STIMATE: variants seen among roughly 807,000 people sequenced by gnomAD.
The protein encoded by STIMATE is STIM activating enhancer, also known as store-operated calcium entry regulator STIMATE.
Under a neutral mutation model 36.7 loss-of-function variants are expected in STIMATE, and 15 were observed. That is an observed-to-expected ratio of 0.41 (90% CI 0.27 to 0.63). The LOEUF (loss-of-function observed/expected upper bound fraction) is 0.63. Ranked by LOEUF, STIMATE falls within the 20% of genes least tolerant of loss-of-function variation. The probability of loss-of-function intolerance (pLI) is 0.32; values close to 1 mark genes in which losing one functional copy is unlikely to be tolerated. For synonymous variants in STIMATE, 163 were observed against 162.3 expected (o/e 1.00, Z -0.03); for missense variants, 305 against 397.3 (o/e 0.77, Z 1.98).
intron 1 of STIMATE, among the ~76,000 whole-genome samples, chr3:52,864,810 C>T (rs925167611): frequency 3.3e-5 from 5 of 152,222 alleles, no homozygotes; most frequent in African/African-American, 1.2e-4. Context: ...CCACCAGTCT[C>T]TTTGCTAAAA....
chr3:52,857,167 C>T (rs1001706506), intron 1 of STIMATE, among the ~76,000 whole-genome samples: 1 of 152,222 alleles, frequency 6.6e-6, no homozygotes, highest in Admixed American at 6.5e-5. Context: ...CTGCATTTGC[C>T]AGGCAAGGAC....
At chr3:52,873,829 A>G (rs765440049) in intron 1 of STIMATE, among the ~76,000 whole-genome samples, 3 of 152,220 alleles carry the variant, frequency 2.0e-5, no homozygotes, top group Non-Finnish European at 2.9e-5. Flanking sequence ...TATCCTGGGC[A>G]GCTGGGGAAC....
intron 1 of STIMATE, 40 bp from the exon 2 acceptor site, chr3:52,855,484 T>A (rs1449599083): frequency 6.2e-7 from 1 of 1,613,638 alleles, no homozygotes; most frequent in Non-Finnish European, 8.5e-7. Context: ...TCCAAAGAAG[T>A]TACATAAAGC....
intron 1 of STIMATE, among the ~76,000 whole-genome samples, chr3:52,884,670 A>G (rs1428636802): frequency 1.3e-5 from 2 of 152,220 alleles, no homozygotes; most frequent in African/African-American, 4.8e-5. Context: ...TTCAGTATGT[A>G]TTCCTTTTAT....
Position 52,838,234 on chromosome 3 carries a change from T to C in STIMATE, c.*2260A>G, listed in dbSNP as rs1700738570. The stretch of plus-strand genomic sequence containing the variant: ...CTGGGAAGTGGGCAAAGCCTTCAGA[T>C]GAGACCATCTGAGATCTATATAACC... On this transcript the variant is annotated 3_prime_UTR_variant, in exon 8 of 8. Coordinates refer to ENST00000355083, the MANE Select transcript of STIMATE (RefSeq NM_198563.5). The C allele has an allele frequency of 6.6e-6, 1 of 152,206 alleles. No individual in the cohort carries two copies. The highest frequency in any genetic ancestry group is 2.1e-4 in the South Asian group (1 of 4,830). 9.4% of individuals were successfully genotyped at this position (152,206 alleles called of 1,614,324 possible).
At chr3:52,860,329 G>T (rs1310766626) in intron 1 of STIMATE, among the ~76,000 whole-genome samples, 6 of 152,074 alleles carry the variant, frequency 3.9e-5, no homozygotes, top group African/African-American at 1.4e-4. Flanking sequence ...GAAGAGAGAA[G>T]AGGGCTGGCA....
At position 52,839,287 on chromosome 3, in the gene STIMATE, T is replaced by G. The variant is rs984831527; in HGVS notation, c.*1207A>C. ...TCTCCAGAATGCTGTGCAAAACAAATAGGTGACACTAGGATGACAGGTACC... is the reference window on the plus strand; with the variant it reads ...TCTCCAGAATGCTGTGCAAAACAAAGAGGTGACACTAGGATGACAGGTACC... On this transcript the variant is annotated 3_prime_UTR_variant, in exon 8 of 8. Transcript: ENST00000355083. 1 of 152,168 alleles carries G rather than the reference T, an allele frequency of 6.6e-6. No homozygotes were observed. Among genetic ancestry groups the G allele is most frequent in the Non-Finnish European group, 1.5e-5 (1 of 68,040 alleles). The allele number at this position is 152,168 out of a possible 1,614,324, so 9.4% of individuals were successfully genotyped here.
At chr3:52,895,220 G>T (rs184640749) in intron 1 of STIMATE, among the ~76,000 whole-genome samples, 1 of 152,206 alleles carries the variant, frequency 6.6e-6, no homozygotes. Context: ...ATTTCAACAG[G>T]ACCAAGAAAT....
chr3:52,874,443 A>G (rs965811488), intron 1 of STIMATE, among the ~76,000 whole-genome samples: 1 of 152,218 alleles, frequency 6.6e-6, no homozygotes, highest in East Asian at 1.9e-4. Flanking sequence ...TATACAATAA[A>G]CTATTAACCA....
At position 52,855,716 on chromosome 3, in the gene STIMATE, A is replaced by G. The variant is rs536197558; in HGVS notation, c.161-272T>C. On this transcript the variant is annotated intron_variant, in intron 1 of 7. Coordinates refer to ENST00000355083, the MANE Select transcript of STIMATE (RefSeq NM_198563.5). ...TGTATTTTTCCCTTTGTGACACACA[A>G]GGCTCACTCAGATAAGGATTGGTAA... 1.2e-4 allele frequency among the ~76,000 whole-genome samples: 18 copies of G among 152,350 alleles called. 1 individual carries two copies. Among genetic ancestry groups the G allele is most frequent in the Admixed American group, 6.5e-4 (10 of 15,304 alleles).
rs191935755 is a variant in STIMATE at position 52,857,143 on chromosome 3, C to T, written c.161-1699G>A. On this transcript the variant is annotated intron_variant, in intron 1 of 7. Coordinates refer to ENST00000355083, the MANE Select transcript of STIMATE (RefSeq NM_198563.5). ...AAGACAGTAAACCCTACTCTCTGAA[C>T]AAACAAAGGCAGTCTGCATTTGCCA... Among the ~76,000 whole-genome samples the T allele has an allele frequency of 7.4e-3, 1,124 of 152,302 alleles. 120 individuals carry two copies. The South Asian group carries it at 0.21, about 28-fold the overall frequency.
intron 1 of STIMATE, among the ~76,000 whole-genome samples, chr3:52,882,218 A>G (rs1383695860): frequency 6.6e-6 from 1 of 152,172 alleles, no homozygotes; most frequent in Non-Finnish European, 1.5e-5. Flanking sequence ...TCAAGACATG[A>G]CGGCTGGCTC....
chr3:52,844,151 C>T (rs1578798685), intron 5 of STIMATE, among the ~76,000 whole-genome samples: 1 of 152,168 alleles, frequency 6.6e-6, no homozygotes. Flanking sequence ...TCATTATAGA[C>T]ACCAGCAATG....
In STIMATE at chr3:52,840,517, G is replaced by A; in HGVS notation, c.862C>T (p.His288Tyr). The A allele has an allele frequency of 1.9e-6, 3 of 1,614,118 alleles. No individual in the cohort carries two copies. Among genetic ancestry groups the A allele is most frequent in the Non-Finnish European group, 2.5e-6 (3 of 1,179,980 alleles). ...TPLKPVKKKK[H>Y]RFGLPV ...TGTCATACGGGTAGCCCAAAGCGGT[G>A]CTTCTTTTTCTTCACAGGCTTGAGG... Residue 288 changes from histidine (H) to tyrosine (Y), a missense_variant, in exon 8 of 8, where the codon CAC becomes TAC. By Grantham distance (83) the His-to-Tyr change is moderately conservative. Transcript: ENST00000355083.
At chr3:52,854,638 G>A (rs1241224586) in intron 2 of STIMATE, among the ~76,000 whole-genome samples, 1 of 152,172 alleles carries the variant, frequency 6.6e-6, no homozygotes, top group Non-Finnish European at 1.5e-5. Context: ...TTTATGAGCC[G>A]TTCTAGCAAA....
chr3:52,875,026 G>A (rs145204869), intron 1 of STIMATE, among the ~76,000 whole-genome samples: 3 of 152,286 alleles, frequency 2.0e-5, no homozygotes, highest in Admixed American at 6.5e-5. Context: ...CGGAAAATGC[G>A]CCACTTTAGT....
intron 4 of STIMATE, 142 bp from the exon 5 acceptor site, chr3:52,845,083 A>ACACTGCAGAGGGTCTCCTGC: frequency 1.5e-6 from 1 of 656,942 alleles, no homozygotes; most frequent in Non-Finnish European, 2.5e-6. Context: ...CAAAAGTCCA[A>ACACTGCAGAGGGTCTCCTGC]AGGATTACCT....
chr3:52,884,434 C>T (rs887155003), intron 1 of STIMATE, among the ~76,000 whole-genome samples: 2 of 151,986 alleles, frequency 1.3e-5, no homozygotes, highest in Non-Finnish European at 2.9e-5. Context: ...TTAGTAGGGA[C>T]AGGGTTTCAC....
intron 7 of STIMATE, among the ~76,000 whole-genome samples, chr3:52,842,274 G>GGCTGCTA (rs1700811365): frequency 6.6e-6 from 1 of 152,194 alleles, no homozygotes. Flanking sequence ...CTGGCCTCAG[G>GGCTGCTA]GCTGCTATTC....
Sources: gnomAD v4.1 joint callset for allele counts (sites outside exome capture counted in the v4.1 genomes callset) on GRCh38, gnomAD v4.1.1 for gene constraint, MANE v1.5 for transcripts, NCBI Gene and HGNC (gene_info 2026-07-23, HGNC 2026-07-21) for gene names.